Variants in TAF1 observed in about 807,000 individuals in gnomAD.
TAF1 encodes transcription initiation factor TFIID subunit 1.
Under a neutral mutation model 138.5 loss-of-function variants are expected in TAF1, and 2 were observed. That is an observed-to-expected ratio of 0.01 (90% CI 0.01 to 0.05). The LOEUF is 0.05. Ranked by LOEUF, TAF1 falls within the 10% of genes least tolerant of loss-of-function variation. The pLI is 1.00. For synonymous variants in TAF1, 437 were observed against 503.2 expected (o/e 0.87, Z 1.76); for missense variants, 709 against 1,478.0 (o/e 0.48, Z 8.53).
chrX:71,378,505 C>G (rs1168287532), intron 7 of TAF1, 52 bp downstream of exon 7: 1 of 1,157,384 alleles, frequency 8.6e-7, no homozygotes, highest in Admixed American at 2.2e-5. Flanking sequence ...GGTCCTATTA[C>G]TTTTACTAAC....
At chrX:71,391,505 G>A (rs1480961374) in intron 18 of TAF1, among the ~76,000 whole-genome samples, 1 of 110,623 alleles carries the variant, frequency 9.0e-6, no homozygotes, top group Non-Finnish European at 1.9e-5. Context: ...CCAACATAGT[G>A]AGACCCTGTC....
chrX:71,451,637 TTG>T (rs1247702280), intron 32 of TAF1, among the ~76,000 whole-genome samples: 1 of 110,276 alleles, frequency 9.1e-6, no homozygotes, highest in Non-Finnish European at 1.9e-5. Context: ...TCCGCAGTGT[TTG>T]TGTCCCTGGG....
chrX:71,444,694 G>A (rs2037600302), intron 32 of TAF1, among the ~76,000 whole-genome samples: 1 of 111,200 alleles, frequency 9.0e-6, no homozygotes, highest in African/African-American at 3.3e-5. Context: ...GCGAAGTCCT[G>A]GGATTACAGG....
intron 1 of TAF1, among the ~76,000 whole-genome samples, chrX:71,366,761 A>T (rs1013314783): frequency 3.6e-5 from 4 of 111,354 alleles, no homozygotes; most frequent in Non-Finnish European, 7.5e-5. Context: ...CCGACCAGAC[A>T]GTAGGACACA....
intron 4 of TAF1, 43 bp from the exon 5 acceptor site, chrX:71,376,907 G>C: frequency 8.3e-7 from 1 of 1,201,932 alleles, no homozygotes; most frequent in Non-Finnish European, 1.1e-6. Context: ...GAGGAAATAT[G>C]TTCACAGTTA....
chrX:71,491,044 T>G (rs2039270186), intron 13 of TAF1: 2 of 61,938 alleles, frequency 3.2e-5, no homozygotes, highest in Non-Finnish European at 6.5e-5. Context: ...GTTGTTGTTG[T>G]TTTTTTTTTT....
At chrX:71,504,916 G>A (rs1168171103) in intron 13 of TAF1, among the ~76,000 whole-genome samples, 1 of 108,857 alleles carries the variant, frequency 9.2e-6, no homozygotes, top group African/African-American at 3.3e-5. Flanking sequence ...GATCGCTTGA[G>A]CTCAGGAGTT....
At chrX:71,488,526 T>C (rs2039216003) in intron 13 of TAF1, among the ~76,000 whole-genome samples, 1 of 109,764 alleles carries the variant, frequency 9.1e-6, no homozygotes. Context: ...GTAGTTTCTT[T>C]GTGGGCATGC....
At chrX:71,426,692 G>A (rs959753227) in intron 32 of TAF1, among the ~76,000 whole-genome samples, 19 of 108,123 alleles carry the variant, frequency 1.8e-4, no homozygotes, top group Non-Finnish European at 2.7e-4. Flanking sequence ...TCCAGCCTGG[G>A]CAACAAGAGT....
chrX:71,394,330 A>G lies in TAF1; in HGVS notation c.3406+85A>G, dbSNP rs2034729503. 7.7e-6 allele frequency: 8 copies of G among 1,042,202 alleles called. No individual in the cohort carries two copies. The East Asian group carries it at 2.5e-4, about 32-fold the overall frequency. The allele number at this position is 1,042,202 out of a possible 1,213,427, so 85.9% of individuals were successfully genotyped here. On this transcript the variant is annotated intron_variant, in intron 22 of 37. Coordinates refer to ENST00000423759, the MANE Select transcript of TAF1 (RefSeq NM_004606.5). ...TAACTGCAGACTGTAATTGAGGGAG[A>G]TCTGGAGGCAGAAGATGTAAGGGAT...
chrX:71,368,229 G>A, intron 3 of TAF1, 59 bp downstream of exon 3: 14 of 1,120,104 alleles, frequency 1.2e-5, no homozygotes, highest in Non-Finnish European at 1.7e-5. Context: ...GTATAGTCCA[G>A]TTTGGGCTCT....
At chrX:71,450,225 CAG>C (rs1284499145) in intron 32 of TAF1, among the ~76,000 whole-genome samples, 2 of 101,481 alleles carry the variant, frequency 2.0e-5, no homozygotes, top group Admixed American at 1.1e-4. Context: ...TTTTTTGAGA[CAG>C]AGTCTTGCTC....
At chrX:71,382,266 G>A (rs747218587) in intron 9 of TAF1, among the ~76,000 whole-genome samples, 6 of 111,419 alleles carry the variant, frequency 5.4e-5, no homozygotes, top group Non-Finnish European at 9.4e-5. Context: ...ATGTAGGACT[G>A]TCGGAAAGTA....
At chrX:71,455,032 C>G in intron 34 of TAF1, 175 bp downstream of exon 34, 1 of 1,157,526 alleles carries the variant, frequency 8.6e-7, no homozygotes, top group Admixed American at 2.6e-5. Flanking sequence ...GGCCATGGGT[C>G]TTGGTGGCCT....
intron 14 of TAF1, among the ~76,000 whole-genome samples, chrX:71,529,355 G>A (rs2040060562): frequency 9.0e-6 from 1 of 110,800 alleles, no homozygotes; most frequent in South Asian, 3.8e-4. Flanking sequence ...ACAGGTGTGA[G>A]CCACTGCACC....
rs769318993 is a variant in TAF1 at position 71,399,507 on chromosome X, C to T, written c.3786+770C>T. ...TCCTGACCTGGTGATCTACCAGCCT[C>T]CACCTCCCAAAGTGCTGGGATTACA... On this transcript the variant is annotated intron_variant, in intron 24 of 37. Coordinates refer to ENST00000423759, the MANE Select transcript of TAF1 (RefSeq NM_004606.5). Among the ~76,000 whole-genome samples the T allele has an allele frequency of 2.9e-5, 3 of 102,549 alleles. No individual in the cohort carries two copies. In the South Asian group the frequency reaches 1.3e-3, roughly 45 times the overall value. 89.1% of individuals were successfully genotyped at this position (102,549 alleles called of 115,157 possible).
At chrX:71,397,028 CAA>C (rs745812030) in intron 22 of TAF1, among the ~76,000 whole-genome samples, 6 of 30,165 alleles carry the variant, frequency 2.0e-4, no homozygotes, top group Non-Finnish European at 3.8e-4. Flanking sequence ...GATCCTGTCT[CAA>C]AAAAAAAAAA....
At chrX:71,500,243 C>T (rs1434988616) in intron 13 of TAF1, among the ~76,000 whole-genome samples, 3 of 111,304 alleles carry the variant, frequency 2.7e-5, no homozygotes, top group Non-Finnish European at 5.7e-5. Flanking sequence ...AAAGCTTGGA[C>T]ATAAGGTATT....
chrX:71,395,367 T>A (rs1338546746), intron 22 of TAF1, among the ~76,000 whole-genome samples: 1 of 111,210 alleles, frequency 9.0e-6, no homozygotes, highest in Non-Finnish European at 1.9e-5. Flanking sequence ...AAATTAGATG[T>A]GGTGGCAGGC....
Sources: allele counts gnomAD v4.1 joint callset (sites outside exome capture counted in the v4.1 genomes callset), GRCh38; gene constraint gnomAD v4.1.1; transcripts MANE v1.5; gene names NCBI Gene and HGNC (gene_info 2026-07-23, HGNC 2026-07-21).